Variants in ZNF407 observed in about 807,000 individuals in gnomAD.
ZNF407 encodes zinc finger protein 407.
In ZNF407, 17 loss-of-function variants were observed where a neutral mutation model predicts 131.2. That is an observed-to-expected ratio of 0.13 (90% CI 0.09 to 0.19). ZNF407 has a LOEUF of 0.19. ZNF407 is among the 10% of genes least tolerant of loss of function. ZNF407 has a pLI of 1.00. For missense variants in ZNF407, 2,681 were observed against 2,830.6 expected (o/e 0.95, Z 1.20); for synonymous variants, 1,156 against 1,062.0 (o/e 1.09, Z -1.72).
chr18:74,781,415 G>T lies in ZNF407; in HGVS notation c.4803-13G>T. 1 of 1,524,986 alleles carries T rather than the reference G, an allele frequency of 6.6e-7. No individual in the cohort carries two copies. The highest frequency in any genetic ancestry group is 2.5e-5 in the East Asian group (1 of 39,848). 94.5% of individuals were successfully genotyped at this position (1,524,986 alleles called of 1,614,324 possible). On this transcript the variant is annotated splice_polypyrimidine_tract_variant and intron_variant, in intron 3 of 8. Coordinates refer to ENST00000299687, the MANE Select transcript of ZNF407 (RefSeq NM_017757.3). ...AAGTTTTAGTTTTATAATTACTTTT[G>T]TTTATTTTTTAGGGTTGCTTTTGTA...
chr18:74,605,674 A>G (rs564761170), intron 1 of ZNF407, among the ~76,000 whole-genome samples: 39 of 152,368 alleles, frequency 2.6e-4, no homozygotes, highest in African/African-American at 8.9e-4. Flanking sequence ...TTCTATATAC[A>G]TGTTAAGAAA....
At chr18:74,944,321 C>T (rs995072303) in intron 8 of ZNF407, among the ~76,000 whole-genome samples, 1 of 152,116 alleles carries the variant, frequency 6.6e-6, no homozygotes, top group Non-Finnish European at 1.5e-5. Flanking sequence ...TGTTCTATTA[C>T]CTGACAGCAA....
chr18:75,014,217 T>C (rs1973017196), intron 8 of ZNF407, among the ~76,000 whole-genome samples: 1 of 152,072 alleles, frequency 6.6e-6, no homozygotes, highest in Non-Finnish European at 1.5e-5. Context: ...ACATTGGGAT[T>C]TGGGGATCTT....
At chr18:74,702,494 G>C (rs1467764763) in intron 3 of ZNF407, among the ~76,000 whole-genome samples, 1 of 151,944 alleles carries the variant, frequency 6.6e-6, no homozygotes, top group African/African-American at 2.4e-5. Context: ...ATATTTTACT[G>C]ATTCTTCTAA....
chr18:74,850,612 T>C (rs182013600), intron 4 of ZNF407, among the ~76,000 whole-genome samples: 12 of 152,358 alleles, frequency 7.9e-5, no homozygotes, highest in African/African-American at 2.6e-4. Context: ...TGATTACTTA[T>C]ACTCTTTTCT....
intron 4 of ZNF407, among the ~76,000 whole-genome samples, chr18:74,843,015 C>G (rs1157742220): frequency 6.6e-6 from 1 of 152,080 alleles, no homozygotes; most frequent in African/African-American, 2.4e-5. Flanking sequence ...CGTGCCTGGC[C>G]CTTCTGTGTT....
Position 74,631,555 on chromosome 18 carries a change from T to C in ZNF407, c.536T>C (p.Ile179Thr), listed in dbSNP as rs779941137. The C allele has an allele frequency of 5.6e-6, 9 of 1,613,662 alleles. No individual in the cohort carries two copies. The East Asian group carries it at 1.1e-4, about 20-fold the overall frequency. Reference sequence around the variant, plus strand: ...AAAGAAATTAGTGTTAGTTGTACCATTGGGAATGTAGATACAGTTCTCAAA... The same window carrying C: ...AAAGAAATTAGTGTTAGTTGTACCACTGGGAATGTAGATACAGTTCTCAAA... ...PPKEISVSCT[I>T]GNVDTVLKCS... The change falls in exon 2 of 9, where the codon ATT becomes ACT. Residue 179 changes from isoleucine (I) to threonine (T), a missense_variant. Transcript: ENST00000299687.
chr18:74,852,164 TACACACACACACAC>T lies in ZNF407; in HGVS notation c.4878-25012_4878-24999del, dbSNP rs10539805. ...TTTATCTGTATGCATGGATGCATGCTACACACACACACACACACACACACACACACACACGCACG... is the reference window on the plus strand; with the variant it reads ...TTTATCTGTATGCATGGATGCATGCTACACACACACACACACACACGCACG... On this transcript the variant is annotated intron_variant, in intron 4 of 8. Transcript: ENST00000299687. 6.7e-5 allele frequency among the ~76,000 whole-genome samples: 10 copies of T among 149,670 alleles called. No individual in the cohort carries two copies. In the East Asian group the frequency reaches 1.8e-3, roughly 27 times the overall value.
intron 3 of ZNF407, among the ~76,000 whole-genome samples, chr18:74,732,084 G>A (rs897184315): frequency 5.3e-5 from 8 of 152,108 alleles, no homozygotes; most frequent in Non-Finnish European, 8.8e-5. Flanking sequence ...CATTTTAAGT[G>A]TTTCACTTGG....
At position 74,633,200 on chromosome 18, in the gene ZNF407, G is replaced by C. The variant is rs1475331838; in HGVS notation, c.2181G>C (p.Arg727=). Reference sequence around the variant, plus strand: ...TTCTCACGAGACATATAAAGCTTCGGCATGGTCAAGACTATCATTTTCTTT... The same window carrying C: ...TTCTCACGAGACATATAAAGCTTCGCCATGGTCAAGACTATCATTTTCTTT... ...STVLTRHIKL[R]HGQDYHFLCK... is the part of the protein sequence containing the mutation. Residue 727 remains arginine (R), a synonymous_variant, in exon 2 of 9, where the codon CGG becomes CGC. Coordinates refer to ENST00000299687, the MANE Select transcript of ZNF407 (RefSeq NM_017757.3). 6.2e-7 allele frequency: 1 copy of C among 1,613,778 alleles called. No individual in the cohort carries two copies.
In ZNF407 at chr18:74,633,313, A is replaced by G; in HGVS notation, c.2294A>G (p.Asn765Ser). 1 of 1,612,778 alleles carries G rather than the reference A, an allele frequency of 6.2e-7. No individual in the cohort carries two copies. The highest frequency in any genetic ancestry group is 8.5e-7 in the Non-Finnish European group (1 of 1,179,626). The stretch of plus-strand genomic sequence containing the variant: ...AAGCATCTTGAAAATGCTAAGAAAA[A>G]TAATATTGGCTTAAGCTTTGAAGAA... ...RSKHLENAKK[N>S]NIGLSFEECI... The change falls in exon 2 of 9, where the codon AAT becomes AGT. Residue 765 changes from asparagine to serine, a missense_variant. Around this residue, in one of 6 missense-constraint regions of ZNF407, gnomAD observed 1,789 missense variants for 1,748.7 expected, o/e 1.02. Coordinates refer to ENST00000299687, the MANE Select transcript of ZNF407 (RefSeq NM_017757.3).
rs759269468 is a variant in ZNF407, at chr18:74,634,286, C to G, written c.3267C>G (p.Asp1089Glu). 2.5e-6 allele frequency: 4 copies of G among 1,613,898 alleles called. No homozygotes were observed. Among genetic ancestry groups the G allele is most frequent in the African/African-American group, 2.7e-5 (2 of 74,930 alleles). The change falls in exon 2 of 9, where the codon GAC (aspartate) becomes GAG (glutamate). Residue 1089 changes from aspartate to glutamate, a missense_variant. By Grantham distance (45) the Asp-to-Glu change is conservative. Transcript: ENST00000299687. ...CTAATGTAGAAGCTGGTTCTGCAGACATGTCCAAAAACATCATTATGCCTG... is the reference window on the plus strand; with the variant it reads ...CTAATGTAGAAGCTGGTTCTGCAGAGATGTCCAAAAACATCATTATGCCTG... The part of the protein sequence containing the change: ...NSANVEAGSA[D>E]MSKNIIMPEE...
chr18:74,908,572 C>T (rs1043726047), intron 7 of ZNF407, among the ~76,000 whole-genome samples: 1 of 152,260 alleles, frequency 6.6e-6, no homozygotes, highest in Non-Finnish European at 1.5e-5. Flanking sequence ...TGCTAAACAT[C>T]GTTGATAACA....
rs562469532 is a variant in ZNF407 at position 74,807,317 on chromosome 18, G to T, written c.4877+25815G>T. ...GTGTTGGGCTGCATGTGCTGAAGGA[G>T]GGTCCTGTGGCTGTAACACACATAC... On this transcript the variant is annotated intron_variant, in intron 4 of 8. Coordinates refer to ENST00000299687, the MANE Select transcript of ZNF407 (RefSeq NM_017757.3). Among the ~76,000 whole-genome samples, 3 of 152,292 alleles carry T rather than the reference G, an allele frequency of 2.0e-5. No individual in the cohort carries two copies. In the East Asian group the frequency reaches 5.8e-4, roughly 29 times the overall value.
At chr18:74,822,717 A>G (rs952266690) in intron 4 of ZNF407, among the ~76,000 whole-genome samples, 5 of 151,806 alleles carry the variant, frequency 3.3e-5, no homozygotes, top group Admixed American at 6.6e-5. Context: ...CAGCTTTGTT[A>G]TTTTTGCTTA....
At chr18:74,814,162 G>T (rs1970236433) in intron 4 of ZNF407, among the ~76,000 whole-genome samples, 1 of 152,060 alleles carries the variant, frequency 6.6e-6, no homozygotes, top group Non-Finnish European at 1.5e-5. Context: ...AAGATACAGG[G>T]TCTCCCTCTG....
At chr18:74,707,690 T>C (rs1285579210) in intron 3 of ZNF407, among the ~76,000 whole-genome samples, 1 of 152,234 alleles carries the variant, frequency 6.6e-6, no homozygotes, top group Non-Finnish European at 1.5e-5. Context: ...GGCTTTTTCT[T>C]TGGTATTAGT....
At chr18:74,720,064 G>T (rs995115437) in intron 3 of ZNF407, among the ~76,000 whole-genome samples, 22 of 148,120 alleles carry the variant, frequency 1.5e-4, no homozygotes, top group African/African-American at 3.0e-4. Context: ...TTTTTTTTTT[G>T]AAGAAGAAGA....
chr18:74,954,776 C>G (rs1483323224), intron 8 of ZNF407, among the ~76,000 whole-genome samples: 1 of 152,116 alleles, frequency 6.6e-6, no homozygotes, highest in Non-Finnish European at 1.5e-5. Flanking sequence ...TAACCTTAGC[C>G]CATTCCAGCC....
Sources: gnomAD v4.1 joint callset for allele counts (sites outside exome capture counted in the v4.1 genomes callset) on GRCh38, gnomAD v4.1.1 for gene constraint, gnomAD v4.1.1 regional missense constraint, MANE v1.5 for transcripts, NCBI Gene and HGNC (gene_info 2026-07-23, HGNC 2026-07-21) for gene names.